HDAC4: variants seen among roughly 807,000 people sequenced by gnomAD.
HDAC4 encodes histone deacetylase A.
HDAC4 carries 16 observed loss-of-function variants against 135.1 expected under a neutral mutation model. That is an observed-to-expected ratio of 0.12 (90% CI 0.08 to 0.18). The LOEUF (loss-of-function observed/expected upper bound fraction) is 0.18. HDAC4 is among the 10% of genes least tolerant of loss of function. HDAC4 has a pLI of 1.00. For missense variants in HDAC4, 1,143 were observed against 1,511.8 expected (o/e 0.76, Z 4.05); for synonymous variants, 685 against 653.4 (o/e 1.05, Z -0.74).
chr2:239,293,824 G>A (rs1217680076), intron 2 of HDAC4, among the ~76,000 whole-genome samples: 2 of 152,200 alleles, frequency 1.3e-5, no homozygotes, highest in African/African-American at 2.4e-5. Flanking sequence ...TGCACTCAGC[G>A]GATGGCATAA....
Position 239,272,100 on chromosome 2 carries a change from C to T in HDAC4, c.23-35436G>A, listed in dbSNP as rs531418933. 2.4e-4 allele frequency among the ~76,000 whole-genome samples: 36 copies of T among 152,308 alleles called. No homozygotes were observed. In the East Asian group the frequency reaches 2.5e-3, roughly 11 times the overall value. On this transcript the variant is annotated intron_variant, in intron 2 of 26. Coordinates refer to ENST00000543185, the MANE Select transcript of HDAC4 (RefSeq NM_001378414.1). ...CAATTAAAAACAACTGTGGGAAAAG[C>T]GAATCTAGCCATTAGACACTGCAGA...
chr2:239,322,805 A>G (rs987068315), intron 2 of HDAC4, among the ~76,000 whole-genome samples: 42 of 151,670 alleles, frequency 2.8e-4, no homozygotes, highest in African/African-American at 9.2e-4. Flanking sequence ...CCGGGGCCCC[A>G]CTCCTGGCTT....
intron 2 of HDAC4, among the ~76,000 whole-genome samples, chr2:239,252,551 G>T (rs2048841946): frequency 6.6e-6 from 1 of 152,172 alleles, no homozygotes; most frequent in African/African-American, 2.4e-5. Flanking sequence ...AGGCACGAGG[G>T]AAAGAGCAGA....
At chr2:239,336,195 G>C (rs1230300858) in intron 2 of HDAC4, among the ~76,000 whole-genome samples, 1 of 152,204 alleles carries the variant, frequency 6.6e-6, no homozygotes, top group Non-Finnish European at 1.5e-5. Flanking sequence ...TAGAGAAGTG[G>C]TATCTAGAGG....
At chr2:239,098,640 C>T (rs909300525) in intron 16 of HDAC4, among the ~76,000 whole-genome samples, 3 of 152,250 alleles carry the variant, frequency 2.0e-5, no homozygotes, top group Non-Finnish European at 2.9e-5. Flanking sequence ...CATCTCACCA[C>T]ATCAGAAAGG....
chr2:239,199,375 T>C (rs1198416159), intron 3 of HDAC4, among the ~76,000 whole-genome samples: 1 of 152,182 alleles, frequency 6.6e-6, no homozygotes, highest in Non-Finnish European at 1.5e-5. Context: ...AACAGAGCTC[T>C]TCGAGTCCCA....
chr2:239,169,658 C>T (rs2043328663), intron 5 of HDAC4, among the ~76,000 whole-genome samples: 1 of 152,346 alleles, frequency 6.6e-6, no homozygotes, highest in African/African-American at 2.4e-5. Context: ...TTTGGCAGAA[C>T]ACCCTGGAGT....
chr2:239,210,079 A>G (rs1167729893), intron 3 of HDAC4, among the ~76,000 whole-genome samples: 1 of 152,216 alleles, frequency 6.6e-6, no homozygotes, highest in Non-Finnish European at 1.5e-5. Flanking sequence ...GTGACCCAGC[A>G]ACAAGCCCTC....
chr2:239,256,496 C>G (rs2049060134), intron 2 of HDAC4, among the ~76,000 whole-genome samples: 1 of 152,242 alleles, frequency 6.6e-6, no homozygotes, highest in African/African-American at 2.4e-5. Context: ...TCCAGCCCCT[C>G]CCAGAAGGCC....
At chr2:239,226,671 G>T (rs1453521914) in intron 3 of HDAC4, among the ~76,000 whole-genome samples, 3 of 152,146 alleles carry the variant, frequency 2.0e-5, no homozygotes, top group Admixed American at 6.5e-5. Flanking sequence ...GTAATGGGGG[G>T]GGTGATAAAT....
At chr2:239,377,549 A>G (rs1695100945) in intron 1 of HDAC4, among the ~76,000 whole-genome samples, 1 of 152,226 alleles carries the variant, frequency 6.6e-6, no homozygotes, top group South Asian at 2.1e-4. Context: ...AGGGAGCACG[A>G]GATTCTCCTT....
rs199957914 is a variant in HDAC4 at position 239,082,075 on chromosome 2, C to G, written c.2652+27G>C. ...GGCTCCCCGCAGTCCCCCTTTCCCCCCAGAGGCCCTTATATACCCCACCTA... is the reference window on the plus strand; with the variant it reads ...GGCTCCCCGCAGTCCCCCTTTCCCCGCAGAGGCCCTTATATACCCCACCTA... On this transcript the variant is annotated intron_variant, in intron 21 of 26. Transcript: ENST00000543185. The G allele has an allele frequency of 1.7e-4, 269 of 1,613,544 alleles. 7 individuals are homozygous for G. In the South Asian group the frequency reaches 2.1e-3, roughly 13 times the overall value.
intron 24 of HDAC4, among the ~76,000 whole-genome samples, chr2:239,059,537 A>G (rs1248072056): frequency 6.6e-6 from 1 of 152,244 alleles, no homozygotes; most frequent in Non-Finnish European, 1.5e-5. Context: ...TCTTGCCAAG[A>G]AATCTGAAGA....
intron 5 of HDAC4, among the ~76,000 whole-genome samples, chr2:239,171,880 T>A (rs142209866): frequency 1.8e-4 from 27 of 152,148 alleles, no homozygotes; most frequent in Non-Finnish European, 2.9e-5. Context: ...AATACAAACC[T>A]AGAATTCTAT....
At chr2:239,137,702 G>A (rs2041070592) in intron 9 of HDAC4, among the ~76,000 whole-genome samples, 1 of 152,146 alleles carries the variant, frequency 6.6e-6, no homozygotes, top group South Asian at 2.1e-4. Flanking sequence ...ACGTGAGAAC[G>A]GAGAGCCAGC....
intron 15 of HDAC4, among the ~76,000 whole-genome samples, chr2:239,105,137 C>T (rs963236780): frequency 1.3e-5 from 2 of 152,222 alleles, no homozygotes; most frequent in Non-Finnish European, 2.9e-5. Flanking sequence ...GGAGGCTGAC[C>T]TCGTTATTTC....
intron 7 of HDAC4, among the ~76,000 whole-genome samples, chr2:239,151,828 G>A (rs542986480): frequency 1.3e-5 from 2 of 152,308 alleles, no homozygotes; most frequent in East Asian, 1.9e-4. Context: ...GCCAGCAGCC[G>A]GGCCCCAACA....
rs990707623 is a variant in HDAC4, at chr2:239,130,967, C to T, written c.1294+3278G>A. Among the ~76,000 whole-genome samples, 87 of 152,246 alleles carry T rather than the reference C, an allele frequency of 5.7e-4. 1 individual carries two copies. The highest frequency in any genetic ancestry group is 1.0e-3 in the Non-Finnish European group (70 of 68,046). On this transcript the variant is annotated intron_variant, in intron 11 of 26. Transcript: ENST00000543185. ...AGGGCTCTGCACAGACACTTTCCTTCTTACCCGGGAATGGGCTCCTGAGCT... is the reference window on the plus strand; with the variant it reads ...AGGGCTCTGCACAGACACTTTCCTTTTTACCCGGGAATGGGCTCCTGAGCT...
At chr2:239,209,456 T>C (rs1299362482) in intron 3 of HDAC4, among the ~76,000 whole-genome samples, 2 of 152,208 alleles carry the variant, frequency 1.3e-5, no homozygotes, top group African/African-American at 4.8e-5. Flanking sequence ...GACAAACACT[T>C]ATCCTACTAT....
Sources: gnomAD v4.1 joint callset for allele counts (sites outside exome capture counted in the v4.1 genomes callset) on GRCh38, gnomAD v4.1.1 for gene constraint, MANE v1.5 for transcripts, NCBI Gene and HGNC (gene_info 2026-07-23, HGNC 2026-07-21) for gene names.